The following KDSR variants were observed in gnomAD, a reference collection of about 807,000 sequenced individuals.
KDSR encodes the protein 3-dehydrosphinganine reductase.
In KDSR, 23 loss-of-function variants were observed where a neutral mutation model predicts 41.3. That is an observed-to-expected ratio of 0.56 (90% confidence interval 0.40 to 0.79). The LOEUF (loss-of-function observed/expected upper bound fraction) is 0.79. Among genes scored for constraint, KDSR ranks in the 30% least tolerant of loss-of-function variants. The pLI is 0.00. For missense variants in KDSR, 351 were observed against 416.8 expected (o/e 0.84, Z 1.37); for synonymous variants, 138 against 151.7 (o/e 0.91, Z 0.66).
Position 63,362,779 on chromosome 18 carries a change from C to T in KDSR, c.198G>A (p.Glu66=). ...GTAATAATGAACCTAGAAGCCTTAC[C>T]TCATTTCGTGCAACCAGAGTTATAA... ...GAFITLVARN[E]DKLLQAKKEI... is the part of the protein sequence containing the mutation. Residue 66 remains glutamate (E), a splice_region_variant and synonymous_variant, in exon 2 of 10, where the codon GAG becomes GAA. Coordinates refer to ENST00000645214, the MANE Select transcript of KDSR (RefSeq NM_002035.4). 2 of 1,605,050 alleles carry T rather than the reference C, an allele frequency of 1.2e-6. No homozygotes were observed. Among genetic ancestry groups the T allele is most frequent in the Non-Finnish European group, 1.7e-6 (2 of 1,172,176 alleles).
Position 63,331,318 on chromosome 18 carries a change from CAGAGAGACAGAGAG to C in KDSR, c.*450_*463del, listed in dbSNP as rs1568273715. 2.3e-5 allele frequency: 5 copies of C among 218,468 alleles called. No individual in the cohort carries two copies. Among genetic ancestry groups the C allele is most frequent in the Non-Finnish European group, 4.5e-5 (5 of 111,772 alleles). The allele number at this position is 218,468 out of a possible 1,614,324, so 13.5% of individuals were successfully genotyped here. On this transcript the variant is annotated 3_prime_UTR_variant, in exon 10 of 10. Coordinates refer to ENST00000645214, the MANE Select transcript of KDSR (RefSeq NM_002035.4). ...ACAGAGAGACAGAGAGACAGAGAGACAGAGAGACAGAGAGAGAGAGAGAGAGAACCCGAGAAACC... is the reference window on the plus strand; with the variant it reads ...ACAGAGAGACAGAGAGACAGAGAGACAGAGAGAGAGAGAACCCGAGAAACC...
At chr18:63,334,352 CT>C (rs71162625) in intron 9 of KDSR, among the ~76,000 whole-genome samples, 126 of 143,648 alleles carry the variant, frequency 8.8e-4, no homozygotes, top group Middle Eastern at 3.7e-3. Flanking sequence ...GCACTACTAT[CT>C]TTTTTTTTTT....
chr18:63,351,202 G>T, intron 5 of KDSR, 123 bp from the exon 6 acceptor site: 1 of 707,834 alleles, frequency 1.4e-6, no homozygotes, highest in Non-Finnish European at 2.3e-6. Context: ...AGCCCAACAG[G>T]CTTGCTGAAT....
Position 63,331,674 on chromosome 18 carries a change from CG to C in KDSR, c.*107del. 9.7e-7 allele frequency: 1 copy of C among 1,035,270 alleles called. No homozygotes were observed. The highest frequency in any genetic ancestry group is 1.4e-6 in the Non-Finnish European group (1 of 703,182). The allele number at this position is 1,035,270 out of a possible 1,614,324, so 64.1% of individuals were successfully genotyped here. A position where few individuals can be genotyped will look rare whatever the true frequency, so the allele number is the denominator to read the frequency against. On this transcript the variant is annotated 3_prime_UTR_variant, in exon 10 of 10. Transcript: ENST00000645214. ...CCTGAAGAGCACTGGTCCAATCTGACGTATTCGAAAACAATACATAAGTGTC... is the reference window on the plus strand; with the variant it reads ...CCTGAAGAGCACTGGTCCAATCTGACTATTCGAAAACAATACATAAGTGTC...
chr18:63,350,089 C>T (rs368414273), intron 6 of KDSR, among the ~76,000 whole-genome samples: 6 of 152,088 alleles, frequency 3.9e-5, no homozygotes, highest in South Asian at 4.1e-4. Flanking sequence ...ACATCCCTTG[C>T]GGATAAGAGG....
rs183003981 is a variant in KDSR, at chr18:63,359,403, T to C, written c.255+333A>G. 373 of 224,286 alleles carry C rather than the reference T, an allele frequency of 1.7e-3. 1 individual carries two copies. The highest frequency in any genetic ancestry group is 7.6e-3 in the African/African-American group (335 of 44,106). The allele number at this position is 224,286 out of a possible 1,614,324, so 13.9% of individuals were successfully genotyped here. On this transcript the variant is annotated intron_variant, in intron 3 of 9. Transcript: ENST00000645214. The stretch of plus-strand genomic sequence containing the variant: ...ATACTGAAATATAAATAGCATTTTA[T>C]TCATCAAAAATTCCATAACCAAATA...
intron 3 of KDSR, among the ~76,000 whole-genome samples, chr18:63,358,047 G>A (rs749084986): frequency 1.1e-4 from 16 of 152,068 alleles, no homozygotes; most frequent in South Asian, 4.1e-4. Flanking sequence ...GTAGTGACGC[G>A]CGCCTGTAAT....
At chr18:63,365,756 C>A (rs973696159) in intron 1 of KDSR, among the ~76,000 whole-genome samples, 1 of 152,310 alleles carries the variant, frequency 6.6e-6, no homozygotes, top group East Asian at 1.9e-4. Context: ...GGCAGCAGTT[C>A]TCTTGCGGAT....
chr18:63,336,413 G>A (rs1420180013), intron 8 of KDSR, among the ~76,000 whole-genome samples: 1 of 152,204 alleles, frequency 6.6e-6, no homozygotes, highest in African/African-American at 2.4e-5. Context: ...TGTGCAGAAA[G>A]CGAAGCAAGC....
chr18:63,337,274 C>T (rs1440295495), intron 8 of KDSR, among the ~76,000 whole-genome samples: 2 of 151,894 alleles, frequency 1.3e-5, no homozygotes, highest in African/African-American at 4.8e-5. Context: ...TGTCACCACA[C>T]CCGACTAATT....
chr18:63,351,021 G>A lies in KDSR; in HGVS notation c.476C>T (p.Thr159Ile). The A allele has an allele frequency of 6.2e-7, 1 of 1,614,200 alleles. No homozygotes were observed. Among genetic ancestry groups the A allele is most frequent in the Non-Finnish European group, 8.5e-7 (1 of 1,180,026 alleles). Residue 159 changes from threonine (T) to isoleucine (I), a missense_variant, in exon 6 of 10, where the codon ACC becomes ATC. Physicochemically the swap from Thr to Ile is moderately conservative, Grantham distance 89. Coordinates refer to ENST00000645214, the MANE Select transcript of KDSR (RefSeq NM_002035.4). ...CCTGCCCACCCGGCGCTCCTTCATG[G>A]TGGTGATCACGGCCCGGCTGGGGTA... ...SVYPSRAVIT[T>I]MKERRVGRIV...
intron 6 of KDSR, among the ~76,000 whole-genome samples, chr18:63,347,495 C>CA (rs36023779): frequency 0.089 from 5,030 of 56,786 alleles, 425 homozygotes; most frequent in Non-Finnish European, 0.11. Context: ...GACTCCATCT[C>CA]AAAAAAAAAA....
At chr18:63,357,823 C>T (rs528736016) in intron 3 of KDSR, among the ~76,000 whole-genome samples, 70 of 152,056 alleles carry the variant, frequency 4.6e-4, no homozygotes, top group East Asian at 1.9e-3. Flanking sequence ...CTGATTTGCC[C>T]GTCTCGGCCT....
intron 6 of KDSR, chr18:63,345,918 G>A (rs1165004768): frequency 6.6e-6 from 1 of 151,204 alleles, no homozygotes; most frequent in Admixed American, 6.6e-5. Context: ...CTCCAGCCTG[G>A]GTGACAAGAG....
chr18:63,365,908 A>T (rs1315992866), intron 1 of KDSR: 1 of 152,194 alleles, frequency 6.6e-6, no homozygotes, highest in East Asian at 1.9e-4. Flanking sequence ...AAACAGATAC[A>T]TTTTCTCATT....
In KDSR at chr18:63,350,876, TACA is replaced by T. The variant is rs1381037605; in HGVS notation, c.609+9_609+11del. On this transcript the variant is annotated intron_variant, in intron 6 of 9. Coordinates refer to ENST00000645214, the MANE Select transcript of KDSR (RefSeq NM_002035.4). ...GGAGAGGAATAAATACAAAAATGAA[TACA>T]ACTTTTACCTCCATCTGCAAAGCTT... 6.3e-7 allele frequency: 1 copy of T among 1,592,708 alleles called. No individual in the cohort carries two copies. Among genetic ancestry groups the T allele is most frequent in the Non-Finnish European group, 8.6e-7 (1 of 1,164,120 alleles).
rs924081399 is a variant in KDSR at position 63,330,967 on chromosome 18, T to C, written c.*815A>G. 8.6e-6 allele frequency: 2 copies of C among 231,454 alleles called. No homozygotes were observed. Among genetic ancestry groups the C allele is most frequent in the African/African-American group, 4.4e-5 (2 of 45,222 alleles). The allele number at this position is 231,454 out of a possible 1,614,324, so 14.3% of individuals were successfully genotyped here. On this transcript the variant is annotated 3_prime_UTR_variant, in exon 10 of 10. Transcript: ENST00000645214. ...TTCTTAAGCTTCTAGATTTTACCGCTCTTCAGAAAACATTTAAGGAGGCTG... is the reference window on the plus strand; with the variant it reads ...TTCTTAAGCTTCTAGATTTTACCGCCCTTCAGAAAACATTTAAGGAGGCTG...
intron 1 of KDSR, 95 bp downstream of exon 1, chr18:63,366,916 G>A (rs1375843555): frequency 1.4e-5 from 8 of 586,438 alleles, no homozygotes; most frequent in African/African-American, 1.9e-5. Flanking sequence ...CCTGGGGACC[G>A]CGGCCTGGAA....
intron 5 of KDSR, among the ~76,000 whole-genome samples, chr18:63,351,386 T>C (rs981485890): frequency 4.6e-5 from 7 of 152,224 alleles, no homozygotes; most frequent in African/African-American, 1.4e-4. Context: ...ATAAAAAGTA[T>C]ACTGCATGTT....
Sources: allele counts gnomAD v4.1 joint callset (sites outside exome capture counted in the v4.1 genomes callset), GRCh38; gene constraint gnomAD v4.1.1; transcripts MANE v1.5; gene names NCBI Gene and HGNC (gene_info 2026-07-23, HGNC 2026-07-21).